LURAP1L: variants seen among roughly 807,000 people sequenced by gnomAD.
LURAP1L encodes the protein leucine rich adaptor protein 1 like, also known as leucine rich adaptor protein 1-like.
LURAP1L carries 12 observed loss-of-function variants against 13.8 expected under a neutral mutation model. The observed-to-expected ratio is 0.87, with a 90% CI of 0.56 to 1.41. The LOEUF is 1.41. Among genes scored for constraint, LURAP1L ranks in the 40% most tolerant of loss-of-function variants. LURAP1L has a pLI of 0.00. For missense variants in LURAP1L, 375 were observed against 292.9 expected, an observed-to-expected ratio of 1.28 and a Z score of -2.04; for synonymous variants, 139 against 119.2, an observed-to-expected ratio of 1.17 and a Z score of -1.08.
chr9:12,803,344 A>G (rs1002766432), intron 1 of LURAP1L, among the ~76,000 whole-genome samples: 1 of 152,198 alleles, frequency 6.6e-6, no homozygotes, highest in Non-Finnish European at 1.5e-5. Context: ...CAGACAGGAG[A>G]ATGGGGACAT....
At chr9:12,803,306 G>C (rs1355440902) in intron 1 of LURAP1L, among the ~76,000 whole-genome samples, 1 of 152,192 alleles carries the variant, frequency 6.6e-6, no homozygotes, top group Non-Finnish European at 1.5e-5. Flanking sequence ...AAGGAATTTT[G>C]AAGATGATCC....
intron 1 of LURAP1L, among the ~76,000 whole-genome samples, chr9:12,808,448 AC>A (rs1362550041): frequency 6.6e-6 from 1 of 152,056 alleles, no homozygotes; most frequent in Admixed American, 6.6e-5. Context: ...CACCCCCAGA[AC>A]TTTTTTATTT....
Position 12,821,533 on chromosome 9 carries a change from G to C in LURAP1L, c.460G>C (p.Glu154Gln), listed in dbSNP as rs200478771. 3 of 1,614,000 alleles carry C rather than the reference G, an allele frequency of 1.9e-6. No individual in the cohort carries two copies. The highest frequency in any genetic ancestry group is 2.7e-5 in the African/African-American group (2 of 74,894). The change falls in exon 2 of 2, where the codon GAG (glutamate) becomes CAG (glutamine). Residue 154 changes from glutamate (E) to glutamine (Q), a missense_variant. By Grantham distance (29) the Glu-to-Gln change is conservative. Coordinates refer to ENST00000319264, the MANE Select transcript of LURAP1L (RefSeq NM_203403.2). Reference sequence around the variant, plus strand: ...CAGTGGCAGCCTGTGCAGTTTGTTGGAGAGTCAGAGCACCTCCTTACGTGG... The same window carrying C: ...CAGTGGCAGCCTGTGCAGTTTGTTGCAGAGTCAGAGCACCTCCTTACGTGG... ...SLSGSLCSLL[E>Q]SQSTSLRGSY...
At chr9:12,795,666 T>C (rs1398386484) in intron 1 of LURAP1L, among the ~76,000 whole-genome samples, 1 of 151,992 alleles carries the variant, frequency 6.6e-6, no homozygotes, top group Non-Finnish European at 1.5e-5. Context: ...TTGAACACGG[T>C]TTGAAAGGCA....
intron 1 of LURAP1L, among the ~76,000 whole-genome samples, chr9:12,792,036 G>A (rs1819447655): frequency 6.6e-6 from 1 of 152,098 alleles, no homozygotes; most frequent in African/African-American, 2.4e-5. Flanking sequence ...CTAAAGCATA[G>A]GAGGGTTGAT....
intron 1 of LURAP1L, among the ~76,000 whole-genome samples, chr9:12,786,560 AT>A (rs1475387339): frequency 8.5e-6 from 1 of 117,254 alleles, no homozygotes; most frequent in Non-Finnish European, 1.8e-5. Context: ...ATATATATAT[AT>A]ATATATATAT....
rs1165249490 is a variant in LURAP1L at position 12,821,714 on chromosome 9, T to G, written c.641T>G (p.Leu214Arg). ...TCCCTCATAGAGGACTCACAGGCAC[T>G]ACACAAGCGTCCTAAATTGGATTCT... ...DSSLIEDSQALHKRPKLDSEY... is the reference protein window; with the variant it reads ...DSSLIEDSQARHKRPKLDSEY... Residue 214 changes from leucine (L) to arginine (R), a missense_variant, in exon 2 of 2, where the codon CTA becomes CGA. Physicochemically the swap from Leu to Arg is moderately radical, Grantham distance 102. Coordinates refer to ENST00000319264, the MANE Select transcript of LURAP1L (RefSeq NM_203403.2). 6.2e-7 allele frequency: 1 copy of G among 1,614,154 alleles called. No individual in the cohort carries two copies. The highest frequency in any genetic ancestry group is 1.7e-5 in the Admixed American group (1 of 60,016).
intron 1 of LURAP1L, among the ~76,000 whole-genome samples, chr9:12,792,805 C>T (rs767659624): frequency 6.6e-6 from 1 of 152,016 alleles, no homozygotes; most frequent in African/African-American, 2.4e-5. Flanking sequence ...CTGACCCTGA[C>T]AACCCTGAGA....
intron 1 of LURAP1L, among the ~76,000 whole-genome samples, chr9:12,811,948 C>T (rs1202723360): frequency 6.6e-6 from 1 of 152,088 alleles, no homozygotes; most frequent in Non-Finnish European, 1.5e-5. Flanking sequence ...AATCACATGG[C>T]CAGTAGCAGT....
In LURAP1L at chr9:12,821,847, T is replaced by C; in HGVS notation, c.*87T>C. 1 of 1,466,358 alleles carries C rather than the reference T, an allele frequency of 6.8e-7. No individual in the cohort carries two copies. Among genetic ancestry groups the C allele is most frequent in the South Asian group, 1.4e-5 (1 of 73,316 alleles). 90.8% of individuals were successfully genotyped at this position (1,466,358 alleles called of 1,614,324 possible). A position where few individuals can be genotyped will look rare whatever the true frequency, so the allele number is the denominator to read the frequency against. ...CTATATTTTTGGTGTGATTTTTATT[T>C]TAATAAGATGACCTTTTTAAAAGAA... On this transcript the variant is annotated 3_prime_UTR_variant, in exon 2 of 2. Transcript: ENST00000319264.
At chr9:12,784,491 A>G (rs1033387537) in intron 1 of LURAP1L, among the ~76,000 whole-genome samples, 2 of 152,186 alleles carry the variant, frequency 1.3e-5, no homozygotes, top group African/African-American at 4.8e-5. Context: ...ATATGACAGA[A>G]TTCCCTGGAT....
chr9:12,806,512 C>T (rs1819659067), intron 1 of LURAP1L, among the ~76,000 whole-genome samples: 1 of 151,998 alleles, frequency 6.6e-6, no homozygotes, highest in African/African-American at 2.4e-5. Flanking sequence ...ACTATAACCA[C>T]ATAGATAATT....
At chr9:12,786,775 G>A (rs377342872) in intron 1 of LURAP1L, among the ~76,000 whole-genome samples, 34 of 151,458 alleles carry the variant, frequency 2.2e-4, no homozygotes, top group African/African-American at 7.3e-4. Context: ...TTATGAAAGA[G>A]TGATGTGTAA....
intron 1 of LURAP1L, among the ~76,000 whole-genome samples, chr9:12,811,111 T>C (rs1282901256): frequency 6.6e-6 from 1 of 152,188 alleles, no homozygotes; most frequent in Non-Finnish European, 1.5e-5. Context: ...TTTATTACCA[T>C]CCTAATCACC....
chr9:12,807,446 T>A (rs939790998), intron 1 of LURAP1L, among the ~76,000 whole-genome samples: 1 of 152,170 alleles, frequency 6.6e-6, no homozygotes, highest in Non-Finnish European at 1.5e-5. Flanking sequence ...CTAGAGACTA[T>A]GTAGTTAACT....
chr9:12,821,389 A>G lies in LURAP1L; in HGVS notation c.316A>G (p.Asn106Asp), dbSNP rs761065974. 6.2e-7 allele frequency: 1 copy of G among 1,612,232 alleles called. No individual in the cohort carries two copies. Among genetic ancestry groups the G allele is most frequent in the South Asian group, 1.1e-5 (1 of 91,024 alleles). ...KLHLLRQEMV[N>D]LRATDVRLMR... ...TTTCTTCTCTCTTTGTCCATAGGTT[A>G]ACCTCAGAGCCACAGACGTCAGGCT... Residue 106 changes from asparagine (N) to aspartate (D), a missense_variant, in exon 2 of 2, where the codon AAC becomes GAC. By Grantham distance (23) the Asn-to-Asp change is conservative. Coordinates refer to ENST00000319264, the MANE Select transcript of LURAP1L (RefSeq NM_203403.2).
At chr9:12,807,564 C>T (rs1249020219) in intron 1 of LURAP1L, among the ~76,000 whole-genome samples, 1 of 152,056 alleles carries the variant, frequency 6.6e-6, no homozygotes, top group Admixed American at 6.5e-5. Context: ...TAATCTGTAA[C>T]TTTATATTTA....
At chr9:12,779,086 TTCTC>T (rs1228013842) in intron 1 of LURAP1L, among the ~76,000 whole-genome samples, 1 of 151,912 alleles carries the variant, frequency 6.6e-6, no homozygotes, top group African/African-American at 2.4e-5. Context: ...TTCTCTCTCA[TTCTC>T]TCTCTCTCAA....
chr9:12,803,971 A>T (rs997132769), intron 1 of LURAP1L, among the ~76,000 whole-genome samples: 1 of 152,206 alleles, frequency 6.6e-6, no homozygotes, highest in African/African-American at 2.4e-5. Context: ...ACCATCTGAG[A>T]CAGAAACCTA....
Sources: gnomAD v4.1 joint callset for allele counts (sites outside exome capture counted in the v4.1 genomes callset) on GRCh38, gnomAD v4.1.1 for gene constraint, MANE v1.5 for transcripts, NCBI Gene and HGNC (gene_info 2026-07-23, HGNC 2026-07-21) for gene names.